Variants in GPR158 observed in about 807,000 individuals in gnomAD.
GPR158 encodes metabotropic glycine receptor.
Under a neutral mutation model 78.2 loss-of-function variants are expected in GPR158, and 30 were observed. That is an observed-to-expected ratio of 0.38 (90% CI 0.29 to 0.52). GPR158 has a LOEUF of 0.52. Ranked by LOEUF, GPR158 falls within the 20% of genes least tolerant of loss-of-function variation. GPR158 has a pLI of 0.83. For synonymous variants in GPR158, 581 were observed against 591.1 expected, an observed-to-expected ratio of 0.98 and a Z score of 0.25; for missense variants, 1,463 against 1,523.5, an observed-to-expected ratio of 0.96 and a Z score of 0.66.
At chr10:25,448,260 AT>A (rs1014190731) in intron 4 of GPR158, among the ~76,000 whole-genome samples, 106 of 142,158 alleles carry the variant, frequency 7.5e-4, no homozygotes, top group Admixed American at 9.8e-4. Context: ...AATTTTTTGT[AT>A]TTTTTTTTTT....
intron 4 of GPR158, among the ~76,000 whole-genome samples, chr10:25,448,380 A>G (rs976458706): frequency 9.9e-5 from 15 of 151,824 alleles, no homozygotes; most frequent in African/African-American, 2.2e-4. Context: ...GTGAGCCACC[A>G]CGGCTGGCCG....
chr10:25,176,004 C>G lies in GPR158; in HGVS notation c.584C>G (p.Thr195Arg). 6.2e-7 allele frequency: 1 copy of G among 1,612,876 alleles called. No homozygotes were observed. The highest frequency in any genetic ancestry group is 8.5e-7 in the Non-Finnish European group (1 of 1,179,786). The change falls in exon 1 of 11, where the codon ACG (threonine) becomes AGG (arginine). Residue 195 changes from threonine to arginine, a missense_variant. Thr to Arg is a moderately conservative substitution (Grantham distance 71). Coordinates refer to ENST00000376351, the MANE Select transcript of GPR158 (RefSeq NM_020752.3). This position sits in a 1 kb window ranked among gnomAD's most constrained non-coding sequence, Gnocchi z 6.3. ...APAPQVFLQATREESRILLQD... is the reference protein window; with the variant it reads ...APAPQVFLQARREESRILLQD... ...GCCCCACAGGTCTTCCTCCAGGCCACGCGCGAGGAGAGCCGCATCCTGCTC... is the reference window on the plus strand; with the variant it reads ...GCCCCACAGGTCTTCCTCCAGGCCAGGCGCGAGGAGAGCCGCATCCTGCTC...
At chr10:25,574,465 A>G (rs995420311) in intron 7 of GPR158, among the ~76,000 whole-genome samples, 1 of 152,214 alleles carries the variant, frequency 6.6e-6, no homozygotes, top group Non-Finnish European at 1.5e-5. Context: ...TTCTTGGTGC[A>G]GTAGTAGTTT....
In GPR158 at chr10:25,295,016, C is replaced by T. The variant is rs561256827; in HGVS notation, c.1008+73859C>T. Among the ~76,000 whole-genome samples, 5 of 151,986 alleles carry T rather than the reference C, an allele frequency of 3.3e-5. No individual in the cohort carries two copies. The East Asian group carries it at 5.8e-4, about 18-fold the overall frequency. ...GAAAAGAAGAGGACATGGAAGTTGA[C>T]GCTTTGCCAGCGTTTCATTAGGAGA... On this transcript the variant is annotated intron_variant, in intron 2 of 10. Transcript: ENST00000376351.
At chr10:25,531,164 GA>G in intron 5 of GPR158, among the ~76,000 whole-genome samples, 1 of 152,272 alleles carries the variant, frequency 6.6e-6, no homozygotes, top group Non-Finnish European at 1.5e-5. Context: ...ATTTTTATAT[GA>G]AAACAAATTT....
At chr10:25,347,208 C>G (rs909624266) in intron 2 of GPR158, among the ~76,000 whole-genome samples, 6 of 152,018 alleles carry the variant, frequency 3.9e-5, no homozygotes, top group African/African-American at 1.2e-4. Flanking sequence ...CTTGTCTGTT[C>G]TAGCTTCTGG....
rs958826878 is a variant in GPR158 at position 25,559,280 on chromosome 10, T to C, written c.1514+8195T>C. Reference sequence around the variant, plus strand: ...TATAGCCACTCCAGTTTCCTTTTGATTGGTGTTAGCATGGTATTTTTTTCC... The same window carrying C: ...TATAGCCACTCCAGTTTCCTTTTGACTGGTGTTAGCATGGTATTTTTTTCC... On this transcript the variant is annotated intron_variant, in intron 6 of 10. Coordinates refer to ENST00000376351, the MANE Select transcript of GPR158 (RefSeq NM_020752.3). Among the ~76,000 whole-genome samples the C allele has an allele frequency of 2.6e-5, 4 of 152,294 alleles. No individual in the cohort carries two copies. The South Asian group carries it at 6.2e-4, about 24-fold the overall frequency.
At chr10:25,267,952 T>A (rs1388675391) in intron 2 of GPR158, among the ~76,000 whole-genome samples, 2 of 151,672 alleles carry the variant, frequency 1.3e-5, no homozygotes, top group Non-Finnish European at 2.9e-5. Context: ...GTTGTTACTC[T>A]TAATTTTATT....
At chr10:25,230,067 G>T (rs1348126206) in intron 2 of GPR158, among the ~76,000 whole-genome samples, 1 of 152,038 alleles carries the variant, frequency 6.6e-6, no homozygotes, top group Non-Finnish European at 1.5e-5. Flanking sequence ...TTTGAATAAT[G>T]ATATAGAAGA....
chr10:25,490,141 C>T (rs984215559), intron 5 of GPR158, among the ~76,000 whole-genome samples: 5 of 151,978 alleles, frequency 3.3e-5, no homozygotes, highest in African/African-American at 7.3e-5. Flanking sequence ...AGTTAAACTG[C>T]GATTCCATTT....
intron 2 of GPR158, among the ~76,000 whole-genome samples, chr10:25,307,501 A>G (rs1854696488): frequency 6.6e-6 from 1 of 150,376 alleles, no homozygotes. Context: ...CTCCTGCCTC[A>G]GTCTCCCAAG....
At chr10:25,499,626 T>C (rs1437992660) in intron 5 of GPR158, among the ~76,000 whole-genome samples, 3 of 152,152 alleles carry the variant, frequency 2.0e-5, no homozygotes, top group African/African-American at 7.2e-5. Flanking sequence ...TTTCAGATAA[T>C]GATAGATGCT....
At chr10:25,522,862 G>A (rs74727306) in intron 5 of GPR158, among the ~76,000 whole-genome samples, 6,571 of 152,158 alleles carry the variant, frequency 0.043, 291 homozygotes, top group African/African-American at 0.11. Context: ...CATAGTGATT[G>A]TAACAAAATT....
Position 25,280,991 on chromosome 10 carries a change from C to T in GPR158, c.1008+59834C>T, listed in dbSNP as rs571531193. Among the ~76,000 whole-genome samples the T allele has an allele frequency of 3.3e-5, 5 of 151,564 alleles. No homozygotes were observed. In the East Asian group the frequency reaches 5.9e-4, roughly 18 times the overall value. ...CTCTACTAAAAATGCAAAAATTAGC[C>T]GGGCATGGTGGTATGCGCCTGTAAT... On this transcript the variant is annotated intron_variant, in intron 2 of 10. Transcript: ENST00000376351.
chr10:25,507,175 C>T (rs547666721), intron 5 of GPR158, among the ~76,000 whole-genome samples: 5 of 152,324 alleles, frequency 3.3e-5, no homozygotes, highest in African/African-American at 1.2e-4. Context: ...AAAGTACACA[C>T]TGGCTCATGC....
intron 2 of GPR158, among the ~76,000 whole-genome samples, chr10:25,364,153 G>A (rs1855683527): frequency 6.6e-6 from 1 of 151,970 alleles, no homozygotes; most frequent in South Asian, 2.1e-4. Context: ...AGATATATAA[G>A]TAATTTGCCC....
At chr10:25,470,870 C>A (rs1009423349) in intron 5 of GPR158, among the ~76,000 whole-genome samples, 1 of 151,840 alleles carries the variant, frequency 6.6e-6, no homozygotes, top group African/African-American at 2.4e-5. Flanking sequence ...TTTTTTGAAC[C>A]TCTGCTATTT....
intron 1 of GPR158, among the ~76,000 whole-genome samples, chr10:25,187,419 A>G (rs1588724588): frequency 6.6e-6 from 1 of 152,302 alleles, no homozygotes; most frequent in African/African-American, 2.4e-5. Flanking sequence ...CAGCACATCA[A>G]AAAGCTTATC....
intron 2 of GPR158, among the ~76,000 whole-genome samples, chr10:25,365,460 A>G (rs1484872348): frequency 6.6e-6 from 1 of 151,698 alleles, no homozygotes; most frequent in Non-Finnish European, 1.5e-5. Context: ...GGAAATGCAT[A>G]TGTATATTCG....
Sources: gnomAD v4.1 joint callset for allele counts (sites outside exome capture counted in the v4.1 genomes callset) on GRCh38, gnomAD v4.1.1 for gene constraint, Gnocchi (gnomAD v3.1) non-coding constraint, MANE v1.5 for transcripts, NCBI Gene and HGNC (gene_info 2026-07-23, HGNC 2026-07-21) for gene names.